The following DCC variants were observed in gnomAD, a reference collection of about 807,000 sequenced individuals.
DCC encodes netrin receptor DCC.
In DCC, 58 loss-of-function variants were observed where a neutral mutation model predicts 172.5. The ratio of observed to expected loss-of-function variants is 0.34; its 90% CI spans 0.27 to 0.42. DCC has a LOEUF of 0.42. DCC is among the 10% of genes least tolerant of loss of function. DCC has a pLI of 1.00. For synonymous variants in DCC, 709 were observed against 644.5 expected, an observed-to-expected ratio of 1.10 and a Z score of -1.52; for missense variants, 1,740 against 1,791.0, an observed-to-expected ratio of 0.97 and a Z score of 0.51.
chr18:52,571,084 G>A (rs2033281829), intron 1 of DCC, among the ~76,000 whole-genome samples: 1 of 152,114 alleles, frequency 6.6e-6, no homozygotes, highest in African/African-American at 2.4e-5. Context: ...GTTACAAGGT[G>A]CACAAAAACT....
At chr18:52,938,457 C>T (rs1284540118) in intron 5 of DCC, among the ~76,000 whole-genome samples, 1 of 152,018 alleles carries the variant, frequency 6.6e-6, no homozygotes, top group Non-Finnish European at 1.5e-5. Context: ...TAGAAATATA[C>T]ACTATTATTA....
intron 1 of DCC, among the ~76,000 whole-genome samples, chr18:52,467,439 G>A (rs541518685): frequency 2.0e-5 from 3 of 152,240 alleles, no homozygotes; most frequent in Admixed American, 1.3e-4. Flanking sequence ...TCTTAATCCA[G>A]TCTATCATTG....
chr18:53,527,596 A>G (rs1450168082), intron 28 of DCC, among the ~76,000 whole-genome samples: 1 of 152,014 alleles, frequency 6.6e-6, no homozygotes, highest in Admixed American at 6.5e-5. Flanking sequence ...AAGTTTATTT[A>G]AAGACAGAAA....
chr18:53,025,268 A>G (rs866869602), intron 5 of DCC, among the ~76,000 whole-genome samples: 10 of 152,272 alleles, frequency 6.6e-5, no homozygotes, highest in South Asian at 2.1e-4. Flanking sequence ...AAGCTGGAAG[A>G]TCGAAAAGAT....
intron 1 of DCC, among the ~76,000 whole-genome samples, chr18:52,446,095 G>A (rs1039970944): frequency 5.3e-5 from 8 of 152,026 alleles, no homozygotes; most frequent in African/African-American, 1.9e-4. Flanking sequence ...ACCGCACCCC[G>A]CTAATTCTTT....
Position 53,506,735 on chromosome 18 carries a change from G to A in DCC, c.4111+7225G>A, listed in dbSNP as rs143039992. ...TAGCCGGGCATGGTGTCATGTGCCT[G>A]TAATCCCAGATACTCAGGAGGCTGA... is the stretch of plus-strand genomic sequence containing the variant. On this transcript the variant is annotated intron_variant, in intron 27 of 28. Transcript: ENST00000442544. 2.5e-3 allele frequency among the ~76,000 whole-genome samples: 373 copies of A among 152,044 alleles called. 1 individual carries two copies. Among genetic ancestry groups the A allele is most frequent in the African/African-American group, 8.6e-3 (357 of 41,500 alleles).
intron 1 of DCC, among the ~76,000 whole-genome samples, chr18:52,555,425 T>C (rs1014705746): frequency 1.3e-5 from 2 of 152,168 alleles, no homozygotes; most frequent in African/African-American, 2.4e-5. Context: ...AGTCAGTCGA[T>C]GTTTCCTAAT....
chr18:53,364,782 A>G (rs890336227), intron 15 of DCC, among the ~76,000 whole-genome samples: 2 of 152,134 alleles, frequency 1.3e-5, no homozygotes, highest in Non-Finnish European at 2.9e-5. Flanking sequence ...AAATTTATGA[A>G]CATTAGACAT....
intron 1 of DCC, among the ~76,000 whole-genome samples, chr18:52,675,383 C>A (rs937082098): frequency 6.6e-6 from 1 of 152,224 alleles, no homozygotes; most frequent in South Asian, 2.1e-4. Context: ...TAAACTCAAC[C>A]AATTGTCAAC....
At chr18:52,686,585 C>T (rs55650999) in intron 1 of DCC, among the ~76,000 whole-genome samples, 62,321 of 151,980 alleles carry the variant, frequency 0.41, 13,111 homozygotes, top group Non-Finnish European at 0.47. Flanking sequence ...AAGATCCCAT[C>T]ACCATCCATA....
At chr18:53,360,782 T>C (rs1009447599) in intron 15 of DCC, among the ~76,000 whole-genome samples, 2 of 152,188 alleles carry the variant, frequency 1.3e-5, no homozygotes, top group African/African-American at 2.4e-5. Flanking sequence ...CATAGTGTTA[T>C]GACATAAGGG....
At chr18:52,709,402 G>A (rs9952411) in intron 1 of DCC, among the ~76,000 whole-genome samples, 3,373 of 152,236 alleles carry the variant, frequency 0.022, 122 homozygotes, top group African/African-American at 0.076. Context: ...TAATAGAGTA[G>A]TATCAAGAAG....
At chr18:52,866,507 T>C (rs1444492827) in intron 2 of DCC, among the ~76,000 whole-genome samples, 1 of 152,252 alleles carries the variant, frequency 6.6e-6, no homozygotes, top group African/African-American at 2.4e-5. Flanking sequence ...CAATATTGAT[T>C]CTTCCTATCC....
chr18:53,282,924 T>A (rs1299540768), intron 12 of DCC, among the ~76,000 whole-genome samples: 13 of 152,164 alleles, frequency 8.5e-5, no homozygotes, highest in Non-Finnish European at 1.5e-5. Context: ...GTGTGCAGAA[T>A]GTTCTCTGGT....
intron 2 of DCC, among the ~76,000 whole-genome samples, chr18:52,820,517 C>T (rs548494801): frequency 8.6e-5 from 13 of 152,010 alleles, no homozygotes; most frequent in African/African-American, 1.4e-4. Flanking sequence ...TTCTAGAGCT[C>T]GTGGGTCCAT....
intron 2 of DCC, among the ~76,000 whole-genome samples, chr18:52,781,359 G>A (rs904875268): frequency 6.6e-6 from 1 of 152,056 alleles, no homozygotes; most frequent in Non-Finnish European, 1.5e-5. Context: ...TCAGTTCAAG[G>A]TACTTTGGGA....
At chr18:53,478,212 G>A (rs1028008641) in intron 25 of DCC, among the ~76,000 whole-genome samples, 1 of 152,196 alleles carries the variant, frequency 6.6e-6, no homozygotes, top group Non-Finnish European at 1.5e-5. Context: ...AGTGGGGCTG[G>A]CCTTCTCTAT....
intron 12 of DCC, among the ~76,000 whole-genome samples, chr18:53,216,128 G>C (rs1362013481): frequency 6.6e-6 from 1 of 152,146 alleles, no homozygotes. Flanking sequence ...TCCTGGCCTG[G>C]AATGTTGCTA....
At chr18:53,425,358 T>TC (rs1491312189) in intron 21 of DCC, among the ~76,000 whole-genome samples, 13 of 56,400 alleles carry the variant, frequency 2.3e-4, no homozygotes, top group Non-Finnish European at 3.3e-4. Flanking sequence ...TTCTCCTCTC[T>TC]TTTTTTTTTT....
Sources: allele counts gnomAD v4.1 joint callset (sites outside exome capture counted in the v4.1 genomes callset), GRCh38; gene constraint gnomAD v4.1.1; transcripts MANE v1.5; gene names NCBI Gene and HGNC (gene_info 2026-07-23, HGNC 2026-07-21).